Variants in LHFPL3 observed in about 807,000 individuals in gnomAD.
The protein encoded by LHFPL3 is LHFPL tetraspan subfamily member 3 protein.
A neutral mutation model predicts 19.3 loss-of-function variants in LHFPL3; 5 were observed. The ratio of observed to expected loss-of-function variants is 0.26; its 90% CI spans 0.14 to 0.54. The LOEUF is 0.54. Ranked by LOEUF, LHFPL3 falls within the 20% of genes least tolerant of loss-of-function variation. LHFPL3 has a pLI of 0.94. For synonymous variants in LHFPL3, 133 were observed against 126.2 expected (o/e 1.05, Z -0.36); for missense variants, 249 against 307.4 (o/e 0.81, Z 1.42).
At chr7:104,854,071 G>A (rs948739814) in intron 2 of LHFPL3, among the ~76,000 whole-genome samples, 3 of 152,152 alleles carry the variant, frequency 2.0e-5, no homozygotes, top group Non-Finnish European at 4.4e-5. Context: ...TAAAAGACAG[G>A]TTAACAAGAT....
chr7:104,378,029 G>T (rs568178253), intron 1 of LHFPL3, among the ~76,000 whole-genome samples: 17 of 152,104 alleles, frequency 1.1e-4, no homozygotes, highest in African/African-American at 4.1e-4. Context: ...ACAAAAAACA[G>T]CTCTCTTGAG....
intron 1 of LHFPL3, among the ~76,000 whole-genome samples, chr7:104,684,889 C>G (rs1029871108): frequency 2.0e-5 from 3 of 152,182 alleles, no homozygotes; most frequent in Non-Finnish European, 2.9e-5. Flanking sequence ...TACTCCTGAT[C>G]TCCACCGCCC....
intron 1 of LHFPL3, among the ~76,000 whole-genome samples, chr7:104,352,079 C>A (rs1790187748): frequency 6.6e-6 from 1 of 151,696 alleles, no homozygotes; most frequent in Non-Finnish European, 1.5e-5. Flanking sequence ...GCAGGAGGAT[C>A]CTTTGAGCTC....
intron 1 of LHFPL3, among the ~76,000 whole-genome samples, chr7:104,471,937 G>GGAGGCC (rs1250127183): frequency 1.3e-5 from 2 of 152,124 alleles, no homozygotes; most frequent in Non-Finnish European, 2.9e-5. Flanking sequence ...CAGCACTTCA[G>GGAGGCC]GAGGCCGAGG....
chr7:104,439,609 G>A (rs956912197), intron 1 of LHFPL3, among the ~76,000 whole-genome samples: 2 of 151,928 alleles, frequency 1.3e-5, no homozygotes, highest in African/African-American at 2.4e-5. Context: ...CTGTATTGAT[G>A]CAGAAAGAGC....
intron 1 of LHFPL3, among the ~76,000 whole-genome samples, chr7:104,380,453 C>A (rs1790805071): frequency 1.3e-5 from 2 of 151,832 alleles, no homozygotes; most frequent in African/African-American, 4.8e-5. Flanking sequence ...GAAAACAAAA[C>A]AAAACAAAAA....
intron 1 of LHFPL3, among the ~76,000 whole-genome samples, chr7:104,394,453 C>T (rs1434205152): frequency 1.3e-5 from 2 of 151,970 alleles, no homozygotes; most frequent in Non-Finnish European, 2.9e-5. Flanking sequence ...TTTTTTCATA[C>T]TCATAAAGAG....
intron 1 of LHFPL3, among the ~76,000 whole-genome samples, chr7:104,591,696 G>A (rs746685145): frequency 6.6e-6 from 1 of 152,080 alleles, no homozygotes; most frequent in Non-Finnish European, 1.5e-5. Flanking sequence ...CCTAGATAAT[G>A]TCCTGAAGAG....
intron 1 of LHFPL3, among the ~76,000 whole-genome samples, chr7:104,698,484 A>G (rs1018080810): frequency 6.6e-6 from 1 of 152,250 alleles, no homozygotes; most frequent in African/African-American, 2.4e-5. Context: ...CATCAAAATT[A>G]AAAACTCTTG....
At chr7:104,624,984 C>A (rs1246062670) in intron 1 of LHFPL3, among the ~76,000 whole-genome samples, 3 of 152,130 alleles carry the variant, frequency 2.0e-5, no homozygotes, top group Non-Finnish European at 4.4e-5. Context: ...TGTTTTTTCA[C>A]CTCCTTAAAG....
At chr7:104,713,033 C>G (rs986568893) in intron 1 of LHFPL3, among the ~76,000 whole-genome samples, 13 of 152,114 alleles carry the variant, frequency 8.5e-5, no homozygotes, top group African/African-American at 3.1e-4. Flanking sequence ...TTCCCTCAAG[C>G]TGGGGTCAAG....
chr7:104,534,796 T>C (rs774839756), intron 1 of LHFPL3, among the ~76,000 whole-genome samples: 6 of 152,226 alleles, frequency 3.9e-5, no homozygotes, highest in Admixed American at 1.3e-4. Flanking sequence ...TTTACACTAT[T>C]ACTTTAGAAA....
At chr7:104,473,488 CACT>C (rs1792950339) in intron 1 of LHFPL3, among the ~76,000 whole-genome samples, 1 of 152,172 alleles carries the variant, frequency 6.6e-6, no homozygotes, top group Non-Finnish European at 1.5e-5. Flanking sequence ...TATTTACCAC[CACT>C]ATTTGCCATG....
intron 1 of LHFPL3, among the ~76,000 whole-genome samples, chr7:104,616,235 C>G (rs1384686364): frequency 6.6e-6 from 1 of 152,142 alleles, no homozygotes; most frequent in Non-Finnish European, 1.5e-5. Context: ...TGACTTCAAA[C>G]TATACTACAA....
intron 1 of LHFPL3, among the ~76,000 whole-genome samples, chr7:104,338,253 C>A (rs913135759): frequency 4.6e-5 from 7 of 151,840 alleles, no homozygotes; most frequent in African/African-American, 1.7e-4. Flanking sequence ...CGCCCGCCAC[C>A]ACGCCCGATT....
intron 2 of LHFPL3, among the ~76,000 whole-genome samples, chr7:104,795,878 C>T (rs1283046215): frequency 2.0e-5 from 3 of 152,202 alleles, no homozygotes; most frequent in African/African-American, 7.2e-5. Context: ...TAGCTTCTTA[C>T]ATTTAGGCAG....
chr7:104,845,443 T>C (rs775251551), intron 2 of LHFPL3: 92 of 1,535,754 alleles, frequency 6.0e-5, no homozygotes, highest in Non-Finnish European at 7.4e-5. Context: ...AGTGTGAGCA[T>C]GGCTTTGTGG....
At chr7:104,594,635 C>T (rs1477977901) in intron 1 of LHFPL3, among the ~76,000 whole-genome samples, 1 of 152,194 alleles carries the variant, frequency 6.6e-6, no homozygotes, top group Non-Finnish European at 1.5e-5. Context: ...ATAGTGTTTT[C>T]CACCTTGGTT....
chr7:104,717,688 C>T (rs1793414435), intron 1 of LHFPL3, among the ~76,000 whole-genome samples: 1 of 152,132 alleles, frequency 6.6e-6, no homozygotes, highest in African/African-American at 2.4e-5. Flanking sequence ...AATTGGAACT[C>T]TTGTATATTG....
Sources: gnomAD v4.1 joint callset for allele counts (sites outside exome capture counted in the v4.1 genomes callset) on GRCh38, gnomAD v4.1.1 for gene constraint, MANE v1.5 for transcripts, NCBI Gene and HGNC (gene_info 2026-07-23, HGNC 2026-07-21) for gene names.